Variants in FMN1 observed in about 807,000 individuals in gnomAD.
The protein encoded by FMN1 is formin 1.
Under a neutral mutation model 132.4 loss-of-function variants are expected in FMN1, and 110 were observed. That is an observed-to-expected ratio of 0.83 (90% CI 0.71 to 0.97). FMN1 has a LOEUF of 0.97. FMN1 is among the 50% of genes least tolerant of loss of function. The probability of loss-of-function intolerance (pLI) is 0.00; values close to 1 mark genes in which losing one functional copy is unlikely to be tolerated. For synonymous variants in FMN1, 722 were observed against 651.7 expected, an observed-to-expected ratio of 1.11 and a Z score of -1.64; for missense variants, 1,792 against 1,705.3, an observed-to-expected ratio of 1.05 and a Z score of -0.90.
chr15:33,095,881 A>C (rs865840101), intron 4 of FMN1, among the ~76,000 whole-genome samples: 115 of 152,278 alleles, frequency 7.6e-4, no homozygotes, highest in African/African-American at 2.5e-3. Flanking sequence ...AAAAAATTAC[A>C]AAATACTAAG....
intron 7 of FMN1, among the ~76,000 whole-genome samples, chr15:32,978,923 A>AT (rs1175323922): frequency 1.3e-5 from 2 of 152,214 alleles, no homozygotes; most frequent in African/African-American, 2.4e-5. Flanking sequence ...TAGGTCAATT[A>AT]TATAGAATTA....
In FMN1 at chr15:33,178,493, T is replaced by C. The variant is rs781409981; in HGVS notation, c.-132+1705A>G. Among the ~76,000 whole-genome samples, 5 of 152,334 alleles carry C rather than the reference T, an allele frequency of 3.3e-5. 1 individual carries two copies. The Middle Eastern group carries it at 0.01, about 311-fold the overall frequency. The stretch of plus-strand genomic sequence containing the variant: ...TCTGTTAGATTGTTTTGTCCAATCC[T>C]AACCATGCCCATGAACTTACACTTT... On this transcript the variant is annotated intron_variant, in intron 3 of 20. Transcript: ENST00000616417.
At position 33,184,491 on chromosome 15, in the gene FMN1, C is replaced by CT. The variant is rs1002704264; in HGVS notation, c.-196-4230dup. Among the ~76,000 whole-genome samples the CT allele has an allele frequency of 5.1e-4, 72 of 140,636 alleles. No homozygotes were observed. In the East Asian group the frequency reaches 8.4e-3, roughly 16 times the overall value. 92.3% of individuals were successfully genotyped at this position (140,636 alleles called of 152,430 possible). A position where few individuals can be genotyped will look rare whatever the true frequency, so the allele number is the denominator to read the frequency against. On this transcript the variant is annotated intron_variant, in intron 2 of 20. Transcript: ENST00000616417. Reference sequence around the variant, plus strand: ...AAATTTCTTCCCTTTTAATTTAGATCTTTTTTTTTTCTTTTTTTTTTTTCC... The same window carrying CT: ...AAATTTCTTCCCTTTTAATTTAGATCTTTTTTTTTTTCTTTTTTTTTTTTCC...
intron 6 of FMN1, among the ~76,000 whole-genome samples, chr15:33,047,081 G>T (rs61999967): frequency 0.17 from 25,932 of 152,148 alleles, 2,309 homozygotes; most frequent in Middle Eastern, 0.24. Context: ...CCACATGGCA[G>T]TATTTTCTTT....
chr15:32,896,820 A>G (rs2060170367), intron 15 of FMN1, among the ~76,000 whole-genome samples: 1 of 152,172 alleles, frequency 6.6e-6, no homozygotes, highest in Admixed American at 6.5e-5. Context: ...ATTGACAGAC[A>G]TTTAGATTTG....
At chr15:32,926,614 T>C (rs1326907965) in intron 9 of FMN1, among the ~76,000 whole-genome samples, 2 of 152,334 alleles carry the variant, frequency 1.3e-5, no homozygotes, top group South Asian at 2.1e-4. Flanking sequence ...AATATTTTCA[T>C]GTTGCTACTG....
At chr15:32,799,796 T>C (rs2057416730) in intron 18 of FMN1, among the ~76,000 whole-genome samples, 1 of 152,182 alleles carries the variant, frequency 6.6e-6, no homozygotes, top group South Asian at 2.1e-4. Flanking sequence ...ATTTACAGCT[T>C]TGAACTCAAT....
At chr15:32,805,851 G>A (rs2057661436) in intron 17 of FMN1, among the ~76,000 whole-genome samples, 1 of 151,586 alleles carries the variant, frequency 6.6e-6, no homozygotes, top group South Asian at 2.1e-4. Context: ...GGAAGCCCAT[G>A]GACTCTTGTC....
intron 9 of FMN1, among the ~76,000 whole-genome samples, chr15:32,936,277 G>A (rs2061268124): frequency 6.6e-6 from 1 of 152,080 alleles, no homozygotes; most frequent in Non-Finnish European, 1.5e-5. Flanking sequence ...GTTTCTTTGT[G>A]TGCTTTGTTA....
intron 4 of FMN1, among the ~76,000 whole-genome samples, chr15:33,123,265 A>C (rs919796057): frequency 6.6e-6 from 1 of 151,924 alleles, no homozygotes; most frequent in Non-Finnish European, 1.5e-5. Flanking sequence ...CTGCTGCTTA[A>C]TCTTTCCAAA....
chr15:33,019,800 G>A (rs1351493614), intron 6 of FMN1, among the ~76,000 whole-genome samples: 6 of 152,182 alleles, frequency 3.9e-5, no homozygotes, highest in Admixed American at 6.5e-5. Context: ...TGCCCACTCG[G>A]ACCTCTAGCT....
intron 7 of FMN1, among the ~76,000 whole-genome samples, chr15:33,003,145 C>CAGGG (rs1232140830): frequency 2.0e-5 from 3 of 152,182 alleles, no homozygotes; most frequent in Non-Finnish European, 2.9e-5. Flanking sequence ...TGGTACAAGA[C>CAGGG]AGGGATGCCC....
chr15:33,034,109 T>C (rs1190431046), intron 6 of FMN1, among the ~76,000 whole-genome samples: 3 of 152,142 alleles, frequency 2.0e-5, no homozygotes, highest in African/African-American at 7.2e-5. Context: ...CCAATATACA[T>C]CTAGAGCTCA....
rs2056510138 is a variant in FMN1 at position 32,777,850 on chromosome 15, TTATATATTATGTATAATATATAATAC to T, written c.4131-957_4131-932del. ...TTATGTATAATATATAATACATTAA[TTATATATTATGTATAATATATAATAC>T]ATTATATATTATGTATAATATATAA... On this transcript the variant is annotated intron_variant, in intron 19 of 20. Coordinates refer to ENST00000616417, the MANE Select transcript of FMN1 (RefSeq NM_001277313.2). Among the ~76,000 whole-genome samples the T allele has an allele frequency of 1.1e-4, 9 of 81,832 alleles. 4 individuals carry two copies. Among genetic ancestry groups the T allele is most frequent in the African/African-American group, 4.7e-4 (9 of 19,202 alleles). The allele number at this position is 81,832 out of a possible 152,430, so 53.7% of individuals were successfully genotyped here.
chr15:32,896,505 G>A (rs1486656345), intron 15 of FMN1, among the ~76,000 whole-genome samples: 1 of 152,064 alleles, frequency 6.6e-6, no homozygotes, highest in East Asian at 1.9e-4. Flanking sequence ...TGTTAGCCAT[G>A]TGTATTATTG....
At chr15:33,116,883 T>C (rs1486696347) in intron 4 of FMN1, among the ~76,000 whole-genome samples, 3 of 152,164 alleles carry the variant, frequency 2.0e-5, no homozygotes, top group Admixed American at 2.0e-4. Context: ...CGAAAGTTTG[T>C]TGAGGATTAA....
At chr15:33,119,382 G>C (rs990610206) in intron 4 of FMN1, among the ~76,000 whole-genome samples, 2 of 152,170 alleles carry the variant, frequency 1.3e-5, no homozygotes, top group Non-Finnish European at 2.9e-5. Flanking sequence ...TGGTAAACAT[G>C]ATAGATTCTC....
chr15:33,134,746 A>G (rs1357168652), intron 4 of FMN1, among the ~76,000 whole-genome samples: 1 of 152,212 alleles, frequency 6.6e-6, no homozygotes, highest in African/African-American at 2.4e-5. Flanking sequence ...TCACGCCTAT[A>G]ATCCCAGCAC....
intron 18 of FMN1, among the ~76,000 whole-genome samples, chr15:32,802,219 C>T (rs2057504389): frequency 6.6e-6 from 1 of 152,180 alleles, no homozygotes; most frequent in Non-Finnish European, 1.5e-5. Flanking sequence ...AATTCCCTGT[C>T]TGATTTGTAT....
Sources: gnomAD v4.1 joint callset for allele counts (sites outside exome capture counted in the v4.1 genomes callset) on GRCh38, gnomAD v4.1.1 for gene constraint, MANE v1.5 for transcripts, NCBI Gene and HGNC (gene_info 2026-07-23, HGNC 2026-07-21) for gene names.